The following PARP1 variants were observed in gnomAD, a reference collection of about 807,000 sequenced individuals.
The protein encoded by PARP1 is poly [ADP-ribose] polymerase 1.
In PARP1, 44 loss-of-function variants were observed where a neutral mutation model predicts 118.7. That is an observed-to-expected ratio of 0.37 (90% CI 0.29 to 0.48). The LOEUF (loss-of-function observed/expected upper bound fraction) is 0.48, where lower values mean the gene tolerates loss of function less well. Among genes scored for constraint, PARP1 ranks in the 20% least tolerant of loss-of-function variants. PARP1 has a pLI of 0.99. For missense variants in PARP1, 1,100 were observed against 1,272.4 expected, an observed-to-expected ratio of 0.86 and a Z score of 2.06; for synonymous variants, 492 against 483.2, an observed-to-expected ratio of 1.02 and a Z score of -0.24.
At chr1:226,369,661 A>G (rs1267389118) in intron 15 of PARP1, among the ~76,000 whole-genome samples, 3 of 152,190 alleles carry the variant, frequency 2.0e-5, no homozygotes, top group Non-Finnish European at 4.4e-5. Flanking sequence ...GATAAAAAAT[A>G]TAGTATTCTC....
rs3219034 is a variant in PARP1, at chr1:226,392,005, C to T, written c.402+194G>A. ...ATGCATACATACATGAGAACTGGACCGTGATAAGGAGGACCAGACCTGTCT... is the reference window on the plus strand; with the variant it reads ...ATGCATACATACATGAGAACTGGACTGTGATAAGGAGGACCAGACCTGTCT... On this transcript the variant is annotated intron_variant, in intron 3 of 22. Transcript: ENST00000366794. Among the ~76,000 whole-genome samples, 282 of 152,264 alleles carry T rather than the reference C, an allele frequency of 1.9e-3. 2 individuals carry two copies. The highest frequency in any genetic ancestry group is 0.01 in the East Asian group (53 of 5,184).
intron 9 of PARP1, 85 bp downstream of exon 9, chr1:226,380,983 G>A: frequency 6.7e-7 from 1 of 1,486,130 alleles, no homozygotes; most frequent in South Asian, 1.1e-5. Flanking sequence ...TCAGCGCTGT[G>A]TTCGACTCTT....
rs562193644 is a variant in PARP1, at chr1:226,361,594, A to C, written c.2964-53T>G. 16 of 1,257,882 alleles carry C rather than the reference A, an allele frequency of 1.3e-5. No individual in the cohort carries two copies. The South Asian group carries it at 1.7e-4, about 13-fold the overall frequency. 77.9% of individuals were successfully genotyped at this position (1,257,882 alleles called of 1,614,324 possible). Reference sequence around the variant, plus strand: ...CAGCCATACAACAGAGGGTATGTACATGTGCCTCATCTCCCCCAGGCTGGC... The same window carrying C: ...CAGCCATACAACAGAGGGTATGTACCTGTGCCTCATCTCCCCCAGGCTGGC... On this transcript the variant is annotated intron_variant, in intron 22 of 22. Coordinates refer to ENST00000366794, the MANE Select transcript of PARP1 (RefSeq NM_001618.4).
At chr1:226,364,945 T>C (rs1664227183) in intron 19 of PARP1, 57 bp downstream of exon 19, 7 of 1,600,738 alleles carry the variant, frequency 4.4e-6, no homozygotes, top group African/African-American at 1.3e-5. Context: ...CAAAGTTCTT[T>C]ATGGAGACAC....
At chr1:226,367,430 G>A (rs780880569) in intron 17 of PARP1, 50 bp downstream of exon 17, 1 of 1,602,128 alleles carries the variant, frequency 6.2e-7, no homozygotes, top group Admixed American at 1.7e-5. Context: ...TGGGACCGCT[G>A]CTCTCAGGAT....
chr1:226,383,461 C>T (rs1664659234), intron 7 of PARP1, among the ~76,000 whole-genome samples: 2 of 152,124 alleles, frequency 1.3e-5, no homozygotes, highest in Non-Finnish European at 2.9e-5. Context: ...AAACAGAAAC[C>T]AGTGGCCAAT....
At position 226,361,320 on chromosome 1, in the gene PARP1, C is replaced by T. The variant is rs1430898922; in HGVS notation, c.*140G>A. 1 of 709,552 alleles carries T rather than the reference C, an allele frequency of 1.4e-6. No individual in the cohort carries two copies. The highest frequency in any genetic ancestry group is 2.7e-5 in the East Asian group (1 of 37,120). 44.0% of individuals were successfully genotyped at this position (709,552 alleles called of 1,614,324 possible). On this transcript the variant is annotated 3_prime_UTR_variant, in exon 23 of 23. Transcript: ENST00000366794. ...GAGAAGTTAGAGAAAACCTTTAACA[C>T]GTTTCTGTAAAATCCTTTCTGAGGT...
intron 13 of PARP1, among the ~76,000 whole-genome samples, chr1:226,375,221 A>G (rs1231153326): frequency 1.3e-5 from 2 of 152,216 alleles, no homozygotes; most frequent in African/African-American, 4.8e-5. Flanking sequence ...TCAGTGTTGA[A>G]ACACCATCTT....
At chr1:226,367,938 A>C (rs537479349) in intron 16 of PARP1, among the ~76,000 whole-genome samples, 1 of 152,274 alleles carries the variant, frequency 6.6e-6, no homozygotes, top group East Asian at 1.9e-4. Context: ...AGGGAGGGAA[A>C]ATGGGGAGGA....
Position 226,377,260 on chromosome 1 carries a change from C to G in PARP1, c.1789G>C (p.Gly597Arg), listed in dbSNP as rs1352340038. ...GGCATCTGTTCCAGTTTGTTGCTAC[C>G]GATCACCGTACCCACACGGCCCCAG... is the stretch of plus-strand genomic sequence containing the variant. ...RSWGRVGTVI[G>R]SNKLEQMPSK... Residue 597 changes from glycine (G) to arginine (R), a missense_variant, in exon 13 of 23, where the codon GGT becomes CGT. Coordinates refer to ENST00000366794, the MANE Select transcript of PARP1 (RefSeq NM_001618.4). The G allele has an allele frequency of 6.2e-7, 1 of 1,614,000 alleles. No individual in the cohort carries two copies. The highest frequency in any genetic ancestry group is 1.1e-5 in the South Asian group (1 of 91,060).
At chr1:226,394,957 C>T (rs1664887416) in intron 2 of PARP1, among the ~76,000 whole-genome samples, 3 of 152,090 alleles carry the variant, frequency 2.0e-5, no homozygotes, top group South Asian at 2.1e-4. Context: ...TTTAGCAAAA[C>T]CTCACTAAAT....
At chr1:226,389,488 G>C (rs1484577878) in intron 4 of PARP1, among the ~76,000 whole-genome samples, 1 of 152,166 alleles carries the variant, frequency 6.6e-6, no homozygotes, top group Non-Finnish European at 1.5e-5. Flanking sequence ...ACAGAACTCT[G>C]GTGATGGGCA....
intron 13 of PARP1, 115 bp downstream of exon 13, chr1:226,376,993 A>C: frequency 1.1e-6 from 1 of 931,936 alleles, no homozygotes; most frequent in Non-Finnish European, 1.8e-6. Flanking sequence ...TTCTCCTTTC[A>C]ACATTTGGTA....
Position 226,361,980 on chromosome 1 carries a change from T to C in PARP1, c.2952A>G (p.Leu984=), listed in dbSNP as rs1664149276. The change falls in exon 22 of 23, where the codon CTA becomes CTG. Residue 984 remains leucine, a synonymous_variant. Coordinates refer to ENST00000366794, the MANE Select transcript of PARP1 (RefSeq NM_001618.4). ...TCAAGAAAGGATACTCGTTATATAGTAGAGAGGTGTCATTCACACCAGATG... is the reference window on the plus strand; with the variant it reads ...TCAAGAAAGGATACTCGTTATATAGCAGAGAGGTGTCATTCACACCAGATG... ...GISSGVNDTS[L]LYNEYIVYDI... 1 of 1,574,474 alleles carries C rather than the reference T, an allele frequency of 6.4e-7. No homozygotes were observed. Among genetic ancestry groups the C allele is most frequent in the Non-Finnish European group, 8.7e-7 (1 of 1,143,890 alleles).
At chr1:226,402,140 C>T in intron 2 of PARP1, 74 bp downstream of exon 2, 1 of 1,613,404 alleles carries the variant, frequency 6.2e-7, no homozygotes, top group Non-Finnish European at 8.5e-7. Context: ...GTTTGCTTTG[C>T]TCTCTGAGAC....
chr1:226,400,153 A>G lies in PARP1; in HGVS notation c.286+2061T>C, dbSNP rs895728416. ...TGAATAAGCCAATAAACAAAGTACA[A>G]AAAATTAGCTGGGCATGGTGGCAGG... On this transcript the variant is annotated intron_variant, in intron 2 of 22. Coordinates refer to ENST00000366794, the MANE Select transcript of PARP1 (RefSeq NM_001618.4). 5.3e-5 allele frequency among the ~76,000 whole-genome samples: 8 copies of G among 152,270 alleles called. No homozygotes were observed. The East Asian group carries it at 1.3e-3, about 26-fold the overall frequency.
chr1:226,365,484 A>T (rs189585139), intron 18 of PARP1, among the ~76,000 whole-genome samples: 3 of 152,302 alleles, frequency 2.0e-5, no homozygotes, highest in Admixed American at 6.5e-5. Flanking sequence ...CCATCCCCAA[A>T]CTACTGTATA....
chr1:226,394,107 G>T (rs1020590102), intron 2 of PARP1, among the ~76,000 whole-genome samples: 6 of 148,766 alleles, frequency 4.0e-5, no homozygotes, highest in African/African-American at 1.5e-4. Flanking sequence ...CCAGCACTCT[G>T]CGAGGATGAG....
chr1:226,386,523 G>A (rs917492204), intron 5 of PARP1, 81 bp from the exon 6 acceptor site: 11 of 918,368 alleles, frequency 1.2e-5, no homozygotes, highest in African/African-American at 3.2e-5. Context: ...TGGTCATGCT[G>A]AGCCTCCAGT....
Sources: gnomAD v4.1 joint callset for allele counts (sites outside exome capture counted in the v4.1 genomes callset) on GRCh38, gnomAD v4.1.1 for gene constraint, MANE v1.5 for transcripts, NCBI Gene and HGNC (gene_info 2026-07-23, HGNC 2026-07-21) for gene names.